Variants in ITGB5 observed in about 807,000 individuals in gnomAD.
ITGB5 encodes integrin beta-5.
ITGB5 carries 38 observed loss-of-function variants against 84.8 expected under a neutral mutation model. That is an observed-to-expected ratio of 0.45 (90% CI 0.35 to 0.59). ITGB5 has a LOEUF of 0.59. Among genes scored for constraint, ITGB5 ranks in the 20% least tolerant of loss-of-function variants. The probability of loss-of-function intolerance (pLI) is 0.01; values close to 1 mark genes in which losing one functional copy is unlikely to be tolerated. For synonymous variants in ITGB5, 393 were observed against 414.4 expected, an observed-to-expected ratio of 0.95 and a Z score of 0.63; for missense variants, 905 against 1,034.5, an observed-to-expected ratio of 0.87 and a Z score of 1.72.
intron 10 of ITGB5, chr3:124,791,435 G>A (rs950556655): frequency 1.3e-5 from 2 of 152,198 alleles, no homozygotes; most frequent in African/African-American, 2.4e-5. Flanking sequence ...TTTTGATGAT[G>A]GATAACATAT....
chr3:124,821,082 C>A (rs1452627413), intron 6 of ITGB5, among the ~76,000 whole-genome samples: 3 of 152,184 alleles, frequency 2.0e-5, no homozygotes, highest in Admixed American at 1.3e-4. Flanking sequence ...CGCACATTGA[C>A]AGAAAGATGA....
intron 5 of ITGB5, chr3:124,833,016 T>C (rs551908241): frequency 1.3e-5 from 2 of 152,330 alleles, no homozygotes; most frequent in East Asian, 3.9e-4. Context: ...CATATTTCCA[T>C]CCCTTTAAAA....
chr3:124,864,754 A>C (rs1035153614), intron 2 of ITGB5, among the ~76,000 whole-genome samples: 2 of 152,174 alleles, frequency 1.3e-5, no homozygotes, highest in Admixed American at 1.3e-4. Context: ...TTGAAAAAAA[A>C]AAGAAAAAGA....
chr3:124,828,362 A>C (rs1308892161), intron 5 of ITGB5, among the ~76,000 whole-genome samples: 1 of 152,226 alleles, frequency 6.6e-6, no homozygotes, highest in Admixed American at 6.5e-5. Context: ...GAATGAATGG[A>C]TACACTAACG....
At chr3:124,777,066 C>T (rs1225915076) in intron 10 of ITGB5, among the ~76,000 whole-genome samples, 2 of 152,186 alleles carry the variant, frequency 1.3e-5, no homozygotes, top group African/African-American at 4.8e-5. Context: ...GAGAGTTCCA[C>T]AGCCTAGCCC....
chr3:124,773,614 C>A, intron 11 of ITGB5, 76 bp downstream of exon 11: 1 of 1,403,002 alleles, frequency 7.1e-7, no homozygotes, highest in Non-Finnish European at 1.0e-6. Flanking sequence ...GGCTAGCCGG[C>A]CCTGAGGGCT....
chr3:124,794,599 G>A (rs867948191), intron 10 of ITGB5, among the ~76,000 whole-genome samples: 33 of 151,960 alleles, frequency 2.2e-4, no homozygotes, highest in Middle Eastern at 3.4e-3. Context: ...TGGCCAACAT[G>A]GGGAAACCCC....
intron 2 of ITGB5, 52 bp downstream of exon 2, chr3:124,873,394 C>G: frequency 2.4e-6 from 3 of 1,270,946 alleles, no homozygotes; most frequent in Non-Finnish European, 3.5e-6. Flanking sequence ...CCTTCTCACC[C>G]TCACCCTCGC....
At chr3:124,885,749 G>C (rs535280592) in intron 1 of ITGB5, among the ~76,000 whole-genome samples, 37 of 152,206 alleles carry the variant, frequency 2.4e-4, no homozygotes, top group Non-Finnish European at 4.3e-4. Flanking sequence ...GCTCTGGAGT[G>C]ATTATTTTCC....
intron 1 of ITGB5, 75 bp downstream of exon 1, chr3:124,886,856 C>A: frequency 3.1e-6 from 3 of 957,814 alleles, no homozygotes; most frequent in South Asian, 5.1e-5. Context: ...CTGCGCTCCC[C>A]GCCCCTCCGA....
intron 10 of ITGB5, among the ~76,000 whole-genome samples, chr3:124,793,610 C>T (rs1298676057): frequency 6.6e-6 from 1 of 152,250 alleles, no homozygotes; most frequent in Non-Finnish European, 1.5e-5. Flanking sequence ...GGGTGCTTCA[C>T]ACACATCTCT....
intron 3 of ITGB5, 42 bp from the exon 4 acceptor site, chr3:124,848,600 C>A (rs543281376): frequency 3.8e-6 from 6 of 1,583,906 alleles, no homozygotes; most frequent in South Asian, 1.1e-5. Flanking sequence ...GGTTGTGCAA[C>A]CTGCTGAGGG....
At position 124,769,110 on chromosome 3, in the gene ITGB5, A is replaced by G; in HGVS notation, c.1920T>C (p.Asp640=). The G allele has an allele frequency of 6.2e-7, 1 of 1,613,796 alleles. No individual in the cohort carries two copies. Among genetic ancestry groups the G allele is most frequent in the African/African-American group, 1.3e-5 (1 of 75,026 alleles). ...TCPDACSTKR[D]CVECLLLHSG... is the part of the protein sequence containing the mutation. Reference sequence around the variant, plus strand: ...AGTGGAGCAGCAGGCACTCGACGCAATCTCTTTGGAAAAGAGGAGATAAAG... The same window carrying G: ...AGTGGAGCAGCAGGCACTCGACGCAGTCTCTTTGGAAAAGAGGAGATAAAG... Residue 640 remains aspartate (D), a synonymous_variant, in exon 12 of 15, where the codon GAT becomes GAC. Coordinates refer to ENST00000296181, the MANE Select transcript of ITGB5 (RefSeq NM_002213.5).
intron 5 of ITGB5, among the ~76,000 whole-genome samples, chr3:124,837,836 T>A (rs999839256): frequency 6.6e-6 from 1 of 152,152 alleles, no homozygotes; most frequent in African/African-American, 2.4e-5. Flanking sequence ...ATCAGCTCCA[T>A]CTCCAGGGCA....
intron 1 of ITGB5, among the ~76,000 whole-genome samples, chr3:124,882,471 G>T (rs1483408126): frequency 2.0e-5 from 3 of 152,218 alleles, no homozygotes; most frequent in Non-Finnish European, 4.4e-5. Context: ...CAGATATCTT[G>T]GAGGACAGTA....
At chr3:124,895,021 C>T (rs1935074206) in intron 1 of ITGB5, among the ~76,000 whole-genome samples, 1 of 151,996 alleles carries the variant, frequency 6.6e-6, no homozygotes, top group African/African-American at 2.4e-5. Context: ...CTCATGTGGC[C>T]CACAGGCCAC....
intron 10 of ITGB5, among the ~76,000 whole-genome samples, chr3:124,781,684 G>C (rs539702390): frequency 4.1e-4 from 63 of 152,258 alleles, no homozygotes; most frequent in Non-Finnish European, 9.0e-4. Flanking sequence ...CCATGCCTGG[G>C]GGAGTTATGC....
At chr3:124,849,799 A>G (rs1199146339) in intron 3 of ITGB5, among the ~76,000 whole-genome samples, 1 of 131,430 alleles carries the variant, frequency 7.6e-6, no homozygotes, top group Admixed American at 8.2e-5. Flanking sequence ...TGGAAGACCC[A>G]GGCCACGATA....
chr3:124,848,533 C>G lies in ITGB5; in HGVS notation c.387G>C (p.Gln129His). 6.2e-7 allele frequency: 1 copy of G among 1,613,276 alleles called. No individual in the cohort carries two copies. Among genetic ancestry groups the G allele is most frequent in the Non-Finnish European group, 8.5e-7 (1 of 1,179,850 alleles). Residue 129 changes from glutamine to histidine, a missense_variant, in exon 4 of 15, where the codon CAG (glutamine) becomes CAC (histidine). Physicochemically the swap from Gln to His is conservative, Grantham distance 24 (BLOSUM62 0). Coordinates refer to ENST00000296181, the MANE Select transcript of ITGB5 (RefSeq NM_002213.5). ...CAGGATAGTCCTCCACCTGGCGAAC[C>G]TGTAGCTGGAAGGTGGTCTTGTCAC... ...RPGDKTTFQLQVRQVEDYPVD... is the reference protein window; with the variant it reads ...RPGDKTTFQLHVRQVEDYPVD...
Sources: allele counts gnomAD v4.1 joint callset (sites outside exome capture counted in the v4.1 genomes callset), GRCh38; gene constraint gnomAD v4.1.1; transcripts MANE v1.5; gene names NCBI Gene and HGNC (gene_info 2026-07-23, HGNC 2026-07-21).